Variants in RPS6KA3 observed in about 807,000 individuals in gnomAD.
RPS6KA3 encodes ribosomal protein S6 kinase A3, also known as ribosomal protein S6 kinase alpha-3.
Under a neutral mutation model 67.2 loss-of-function variants are expected in RPS6KA3, and 4 were observed. The observed-to-expected ratio is 0.06, with a 90% confidence interval of 0.03 to 0.14. RPS6KA3 has a LOEUF of 0.14. RPS6KA3 is among the 10% of genes least tolerant of loss of function. RPS6KA3 has a pLI of 1.00. For synonymous variants in RPS6KA3, 182 were observed against 183.7 expected (o/e 0.99, Z 0.07); for missense variants, 204 against 559.0 (o/e 0.36, Z 6.40).
At chrX:20,253,820 T>C (rs969416800) in intron 1 of RPS6KA3, among the ~76,000 whole-genome samples, 1 of 110,504 alleles carries the variant, frequency 9.0e-6, no homozygotes, top group South Asian at 3.9e-4. Flanking sequence ...CCCACCCTAG[T>C]ACTTCTAGAC....
At chrX:20,165,632 AAGGAAC>A (rs1377467175) in intron 17 of RPS6KA3, among the ~76,000 whole-genome samples, 2 of 112,183 alleles carry the variant, frequency 1.8e-5, no homozygotes, top group Non-Finnish European at 3.8e-5. Flanking sequence ...TTCTAACTAG[AAGGAAC>A]AGCACGTACA....
intron 4 of RPS6KA3, among the ~76,000 whole-genome samples, chrX:20,196,914 G>C (rs909376225): frequency 9.0e-6 from 1 of 111,377 alleles, no homozygotes; most frequent in Admixed American, 9.5e-5. Flanking sequence ...ACCTCGGCTC[G>C]CTGCAACCTC....
At chrX:20,187,209 G>A (rs1045554136) in intron 9 of RPS6KA3, among the ~76,000 whole-genome samples, 8 of 101,097 alleles carry the variant, frequency 7.9e-5, no homozygotes, top group African/African-American at 3.0e-4. Flanking sequence ...GAGCCACCGC[G>A]CCCGGCAGAA....
At chrX:20,231,822 G>A (rs2069271420) in intron 2 of RPS6KA3, among the ~76,000 whole-genome samples, 1 of 111,237 alleles carries the variant, frequency 9.0e-6, no homozygotes, top group African/African-American at 3.3e-5. Flanking sequence ...AGAGTGGAAT[G>A]ATGTATCTAC....
At chrX:20,206,975 A>G (rs1184048475) in intron 3 of RPS6KA3, among the ~76,000 whole-genome samples, 1 of 112,369 alleles carries the variant, frequency 8.9e-6, no homozygotes, top group Non-Finnish European at 1.9e-5. Flanking sequence ...GCTAGAGACC[A>G]GACTGAGAGG....
chrX:20,177,389 A>G (rs1603422501), intron 10 of RPS6KA3, among the ~76,000 whole-genome samples: 1 of 112,276 alleles, frequency 8.9e-6, no homozygotes, highest in East Asian at 2.8e-4. Flanking sequence ...TATTACATGT[A>G]TGGCTTCTGT....
chrX:20,245,258 ATTAAGG>A (rs1427778762), intron 1 of RPS6KA3, among the ~76,000 whole-genome samples: 1 of 111,924 alleles, frequency 8.9e-6, no homozygotes, highest in Non-Finnish European at 1.9e-5. Flanking sequence ...AAAGTTTTAG[ATTAAGG>A]TTATTTAAAA....
intron 14 of RPS6KA3, among the ~76,000 whole-genome samples, chrX:20,174,185 CCTGTT>C (rs765045538): frequency 9.0e-6 from 1 of 111,184 alleles, no homozygotes; most frequent in Non-Finnish European, 1.9e-5. Flanking sequence ...TCTGCCGACT[CCTGTT>C]CTAAGGCATC....
chrX:20,230,128 T>C lies in RPS6KA3; in HGVS notation c.126+4630A>G, dbSNP rs545885912. Among the ~76,000 whole-genome samples the C allele has an allele frequency of 4.2e-4, 47 of 112,623 alleles. No individual in the cohort carries two copies. In the South Asian group the frequency reaches 9.5e-3, roughly 23 times the overall value. ...AGCTCAGGGCACTAGGCCCCATGCC[T>C]GGGTCCCTATGCTAGCTAAAACTTA... On this transcript the variant is annotated intron_variant, in intron 2 of 21. Transcript: ENST00000379565.
chrX:20,160,988 T>C (rs925701477), intron 20 of RPS6KA3, among the ~76,000 whole-genome samples: 2 of 111,458 alleles, frequency 1.8e-5, no homozygotes, highest in Admixed American at 1.9e-4. Context: ...GAATTCTCTA[T>C]GAAAAAAGTG....
chrX:20,208,542 C>T (rs1213229462), intron 3 of RPS6KA3, among the ~76,000 whole-genome samples: 1 of 109,926 alleles, frequency 9.1e-6, no homozygotes, highest in Non-Finnish European at 1.9e-5. Flanking sequence ...CATGGCGAAA[C>T]CCCATCTCTA....
chrX:20,197,339 G>A (rs993143965), intron 4 of RPS6KA3, among the ~76,000 whole-genome samples: 8 of 112,145 alleles, frequency 7.1e-5, no homozygotes, highest in African/African-American at 1.6e-4. Context: ...AAAATACCTC[G>A]TCTGCTCAGT....
intron 1 of RPS6KA3, 137 bp downstream of exon 1, chrX:20,266,427 C>A: frequency 1.9e-6 from 1 of 525,095 alleles, no homozygotes; most frequent in Non-Finnish European, 3.2e-6. Flanking sequence ...CCCAACAACC[C>A]AAACCAAAAC....
intron 17 of RPS6KA3, among the ~76,000 whole-genome samples, chrX:20,166,476 G>T (rs2148646806): frequency 9.0e-6 from 1 of 110,880 alleles, no homozygotes; most frequent in African/African-American, 3.3e-5. Context: ...GCTTTCAGGG[G>T]CAAAGACAAA....
intron 15 of RPS6KA3, 143 bp from the exon 16 acceptor site, chrX:20,169,634 G>A: frequency 1.9e-6 from 1 of 534,273 alleles, no homozygotes; most frequent in South Asian, 2.3e-5. Flanking sequence ...TCAACTACCT[G>A]GCCAGATTGT....
intron 2 of RPS6KA3, among the ~76,000 whole-genome samples, chrX:20,233,680 G>C (rs1430050598): frequency 9.0e-6 from 1 of 110,614 alleles, no homozygotes; most frequent in Non-Finnish European, 1.9e-5. Context: ...GAGCCCAGGA[G>C]TTTGATGTTA....
intron 1 of RPS6KA3, among the ~76,000 whole-genome samples, chrX:20,256,978 C>CA (rs760361907): frequency 2.5e-4 from 28 of 112,395 alleles, no homozygotes; most frequent in Non-Finnish European, 4.7e-4. Flanking sequence ...GTTCTCAACT[C>CA]AAACAGGGCT....
intron 1 of RPS6KA3, among the ~76,000 whole-genome samples, chrX:20,236,936 G>A (rs776475382): frequency 9.0e-6 from 1 of 111,482 alleles, no homozygotes; most frequent in African/African-American, 3.3e-5. Flanking sequence ...TCTGTCGTCC[G>A]ACATAGAGAT....
chrX:20,193,559 A>G lies in RPS6KA3; in HGVS notation c.521T>C (p.Leu174Ser). ...GTCTAAAGCAAGTGCAAGTTCAGCC[A>G]AGTAGAATTTGACATCTTCTTCTGT... ...MFTEEDVKFY[L>S]AELALALDHL... Residue 174 changes from leucine to serine, a missense_variant, in exon 7 of 22, where the codon TTG becomes TCG. Coordinates refer to ENST00000379565, the MANE Select transcript of RPS6KA3 (RefSeq NM_004586.3). The G allele has an allele frequency of 8.4e-7, 1 of 1,193,600 alleles. No homozygotes were observed. Among genetic ancestry groups the G allele is most frequent in the Non-Finnish European group, 1.1e-6 (1 of 879,536 alleles).
Sources: allele counts gnomAD v4.1 joint callset (sites outside exome capture counted in the v4.1 genomes callset), GRCh38; gene constraint gnomAD v4.1.1; transcripts MANE v1.5; gene names NCBI Gene and HGNC (gene_info 2026-07-23, HGNC 2026-07-21).